The following CDK14 variants were observed in gnomAD, a reference collection of about 807,000 sequenced individuals.
The protein encoded by CDK14 is cyclin dependent kinase 14.
CDK14 carries 34 observed loss-of-function variants against 60.7 expected under a neutral mutation model. That is an observed-to-expected ratio of 0.56 (90% CI 0.43 to 0.75). The LOEUF is 0.75. CDK14 is among the 30% of genes least tolerant of loss of function. CDK14 has a pLI of 0.00. For synonymous variants in CDK14, 197 were observed against 203.7 expected (o/e 0.97, Z 0.28); for missense variants, 482 against 564.1 (o/e 0.85, Z 1.47).
At chr7:90,984,687 G>A (rs1053702269) in intron 10 of CDK14, among the ~76,000 whole-genome samples, 3 of 152,124 alleles carry the variant, frequency 2.0e-5, no homozygotes, top group African/African-American at 7.2e-5. Flanking sequence ...CAGTACTTCC[G>A]TCAGGTTTTC....
chr7:90,633,798 G>A (rs183074311), intron 2 of CDK14, among the ~76,000 whole-genome samples: 5 of 151,552 alleles, frequency 3.3e-5, no homozygotes, highest in Non-Finnish European at 7.4e-5. Context: ...TTGTATTAAT[G>A]GTATTTCTTA....
At chr7:90,865,904 C>T (rs1234735814) in intron 6 of CDK14, among the ~76,000 whole-genome samples, 1 of 152,096 alleles carries the variant, frequency 6.6e-6, no homozygotes, top group Non-Finnish European at 1.5e-5. Flanking sequence ...GACCCAGGCC[C>T]ATCCTAATTG....
chr7:90,732,217 T>A (rs1802895333), intron 3 of CDK14, among the ~76,000 whole-genome samples: 1 of 152,224 alleles, frequency 6.6e-6, no homozygotes, highest in Admixed American at 6.5e-5. Flanking sequence ...ATAAGCTTTT[T>A]GATGGGCTGC....
At chr7:91,193,556 A>G (rs971937694) in intron 14 of CDK14, among the ~76,000 whole-genome samples, 3 of 152,142 alleles carry the variant, frequency 2.0e-5, no homozygotes, top group Admixed American at 2.0e-4. Flanking sequence ...GAGTCCATAC[A>G]ACTGTGTATG....
chr7:90,741,484 G>A (rs976543607), intron 3 of CDK14, among the ~76,000 whole-genome samples: 1 of 152,176 alleles, frequency 6.6e-6, no homozygotes, highest in African/African-American at 2.4e-5. Flanking sequence ...GGAAGTTTAT[G>A]TGCAGTGGGT....
At chr7:90,822,025 C>A (rs2117079885) in intron 5 of CDK14, among the ~76,000 whole-genome samples, 2 of 152,350 alleles carry the variant, frequency 1.3e-5, no homozygotes, top group Middle Eastern at 3.4e-3. Context: ...GCGGGTGAAT[C>A]AATCCTGCTT....
At chr7:91,130,320 T>G (rs982804459) in intron 14 of CDK14, among the ~76,000 whole-genome samples, 5 of 152,186 alleles carry the variant, frequency 3.3e-5, no homozygotes, top group African/African-American at 1.2e-4. Context: ...ATTTAAATTC[T>G]GTTTTCATGT....
intron 2 of CDK14, among the ~76,000 whole-genome samples, chr7:90,667,009 A>G (rs1031918446): frequency 7.9e-5 from 12 of 152,202 alleles, no homozygotes; most frequent in African/African-American, 2.9e-4. Context: ...TTTATCATCT[A>G]ACTTTTTCTT....
chr7:91,179,600 A>T (rs1801924947), intron 14 of CDK14, among the ~76,000 whole-genome samples: 4 of 152,066 alleles, frequency 2.6e-5, no homozygotes, highest in African/African-American at 9.7e-5. Flanking sequence ...CAAGAGATGG[A>T]GAACATCCTG....
At chr7:90,828,586 C>T (rs2374368) in intron 5 of CDK14, among the ~76,000 whole-genome samples, 41,407 of 151,740 alleles carry the variant, frequency 0.27, 5,881 homozygotes, top group Middle Eastern at 0.36. Flanking sequence ...ACCGAATTCT[C>T]CAGATCTCTC....
intron 10 of CDK14, among the ~76,000 whole-genome samples, chr7:90,987,031 A>G (rs1584201474): frequency 7.3e-6 from 1 of 136,252 alleles, no homozygotes; most frequent in Non-Finnish European, 1.6e-5. Context: ...GAGATATATT[A>G]TACAGCAACA....
At chr7:90,630,888 A>ATGTG (rs55859300) in intron 2 of CDK14, among the ~76,000 whole-genome samples, 3,781 of 148,448 alleles carry the variant, frequency 0.025, 74 homozygotes, top group East Asian at 0.055. Context: ...TGGGGTGTGT[A>ATGTG]TGTGTGTGTG....
intron 8 of CDK14, among the ~76,000 whole-genome samples, chr7:90,937,803 G>A (rs1476910104): frequency 3.9e-5 from 6 of 152,150 alleles, no homozygotes; most frequent in Non-Finnish European, 8.8e-5. Context: ...CTAGACCTTT[G>A]CAGTTCAGTT....
intron 5 of CDK14, among the ~76,000 whole-genome samples, chr7:90,861,911 C>G (rs943649578): frequency 6.6e-6 from 1 of 152,098 alleles, no homozygotes; most frequent in Non-Finnish European, 1.5e-5. Flanking sequence ...AAAACTCTTG[C>G]AATAAGTCAA....
intron 2 of CDK14, among the ~76,000 whole-genome samples, chr7:90,695,342 T>TA (rs374251101): frequency 9.9e-5 from 15 of 152,242 alleles, no homozygotes; most frequent in African/African-American, 3.6e-4. Context: ...TTTGGCGTCA[T>TA]ACCATGTGTA....
At chr7:90,647,281 T>C (rs1470170274) in intron 2 of CDK14, among the ~76,000 whole-genome samples, 1 of 152,152 alleles carries the variant, frequency 6.6e-6, no homozygotes, top group Non-Finnish European at 1.5e-5. Flanking sequence ...TTCCAATTGG[T>C]ATAAAAAATA....
chr7:90,860,815 G>T (rs887815401), intron 5 of CDK14, among the ~76,000 whole-genome samples: 3 of 152,116 alleles, frequency 2.0e-5, no homozygotes, highest in Middle Eastern at 3.2e-3. Flanking sequence ...GAGCCACCAC[G>T]CCTGGCCGCG....
intron 14 of CDK14, among the ~76,000 whole-genome samples, chr7:91,135,717 C>T (rs762143556): frequency 4.5e-4 from 68 of 152,118 alleles, no homozygotes; most frequent in Non-Finnish European, 7.6e-4. Flanking sequence ...GGGTTGTTTG[C>T]ACACTATTGT....
chr7:91,036,443 C>A (rs1796937239), intron 10 of CDK14, among the ~76,000 whole-genome samples: 1 of 152,164 alleles, frequency 6.6e-6, no homozygotes, highest in Non-Finnish European at 1.5e-5. Flanking sequence ...TTGGAATTCA[C>A]AAGTCCACTT....
Sources: allele counts gnomAD v4.1 joint callset (sites outside exome capture counted in the v4.1 genomes callset), GRCh38; gene constraint gnomAD v4.1.1; transcripts MANE v1.5; gene names NCBI Gene and HGNC (gene_info 2026-07-23, HGNC 2026-07-21).